MED28: variants seen among roughly 807,000 people sequenced by gnomAD.
MED28 encodes the protein mediator of RNA polymerase II transcription subunit 28.
In MED28, 26 loss-of-function variants were observed where a neutral mutation model predicts 21.3. The ratio of observed to expected loss-of-function variants is 1.22; its 90% confidence interval spans 0.89 to 1.69. The LOEUF (loss-of-function observed/expected upper bound fraction) is 1.69. Among genes scored for constraint, MED28 ranks in the 40% most tolerant of loss-of-function variants. The pLI, the probability that MED28 is intolerant of heterozygous loss-of-function variation, is 0.00. For missense variants in MED28, 257 were observed against 215.4 expected, an observed-to-expected ratio of 1.19 and a Z score of -1.21; for synonymous variants, 110 against 87.6, an observed-to-expected ratio of 1.26 and a Z score of -1.43.
At chr4:17,617,039 A>C (rs1714473826) in intron 1 of MED28, among the ~76,000 whole-genome samples, 1 of 152,218 alleles carries the variant, frequency 6.6e-6, no homozygotes. Context: ...GCTCTGATAG[A>C]AGAAACCTGG....
intron 3 of MED28, 113 bp from the exon 4 acceptor site, chr4:17,623,488 T>G (rs1189470845): frequency 4.0e-6 from 4 of 997,692 alleles, no homozygotes; most frequent in Non-Finnish European, 6.1e-6. Flanking sequence ...GTAATGGGCT[T>G]AATATGGTTT....
intron 1 of MED28, among the ~76,000 whole-genome samples, chr4:17,617,271 C>T (rs1054444306): frequency 2.7e-4 from 41 of 152,186 alleles, no homozygotes; most frequent in African/African-American, 9.7e-4. Context: ...TCCTTGTGTT[C>T]TGTGTGGACC....
chr4:17,633,967 TCACC>T lies in MED28; in HGVS notation c.*10172_*10175del. 5.2e-6 allele frequency: 6 copies of T among 1,156,524 alleles called. No homozygotes were observed. The highest frequency in any genetic ancestry group is 4.7e-5 in the South Asian group (2 of 42,594). The allele number at this position is 1,156,524 out of a possible 1,614,324, so 71.6% of individuals were successfully genotyped here. A position where few individuals can be genotyped will look rare whatever the true frequency, so the allele number is the denominator to read the frequency against. ...GCATTATTGTAAAAGCAAATAATGC[TCACC>T]CAATCAAAATTGTATCGGAGAAGAA... On this transcript the variant is annotated 3_prime_UTR_variant, in exon 4 of 4. Transcript: ENST00000237380.
intron 1 of MED28, among the ~76,000 whole-genome samples, chr4:17,617,392 A>G (rs555970082): frequency 6.6e-6 from 1 of 152,286 alleles, no homozygotes; most frequent in East Asian, 1.9e-4. Context: ...GCTGCTTAGC[A>G]CATGCTCTTT....
Position 17,619,268 on chromosome 4 carries a change from C to T in MED28, c.160-633C>T, listed in dbSNP as rs546032231. Among the ~76,000 whole-genome samples the T allele has an allele frequency of 2.0e-5, 3 of 152,312 alleles. No homozygotes were observed. The South Asian group carries it at 6.2e-4, about 32-fold the overall frequency. On this transcript the variant is annotated intron_variant, in intron 1 of 3. Coordinates refer to ENST00000237380, the MANE Select transcript of MED28 (RefSeq NM_025205.5). ...GACTTGATTATCCATGTGATACCAA[C>T]CTTGTCCTCTTAGGCCATCCAGTCA...
At chr4:17,620,506 T>C (rs1714592211) in intron 2 of MED28, among the ~76,000 whole-genome samples, 1 of 152,168 alleles carries the variant, frequency 6.6e-6, no homozygotes, top group Non-Finnish European at 1.5e-5. Context: ...GCTAATTTTA[T>C]ATTTTTAGTA....
chr4:17,621,632 CAG>C lies in MED28; in HGVS notation c.274_275del (p.Glu92MetfsTer29), dbSNP rs1560157876. On this transcript the variant is annotated frameshift_variant, in exon 3 of 4. Coordinates refer to ENST00000237380, the MANE Select transcript of MED28 (RefSeq NM_025205.5). LOFTEE classifies it high-confidence loss of function. The stretch of plus-strand genomic sequence containing the variant: ...AAGTTTCTGGATATTGCAAGACAGA[CAG>C]AATGTTTTTTCTTACAAAAAAGATT... The C allele has an allele frequency of 1.3e-5, 21 of 1,610,062 alleles. No individual in the cohort carries two copies. Among genetic ancestry groups the C allele is most frequent in the Non-Finnish European group, 1.7e-5 (20 of 1,179,132 alleles).
At chr4:17,615,956 A>G (rs1004551962) in intron 1 of MED28, among the ~76,000 whole-genome samples, 1 of 152,196 alleles carries the variant, frequency 6.6e-6, no homozygotes, top group African/African-American at 2.4e-5. Context: ...ACGGATGTAC[A>G]AAGATTTAGA....
Position 17,625,740 on chromosome 4 carries a change from C to G in MED28, c.*1942C>G, listed in dbSNP as rs543445873. ...GGGAGAAAATCACAAGCCATCTTCTCAAGTTCCCCTAGAAACCTGTGGAAT... is the reference window on the plus strand; with the variant it reads ...GGGAGAAAATCACAAGCCATCTTCTGAAGTTCCCCTAGAAACCTGTGGAAT... On this transcript the variant is annotated 3_prime_UTR_variant, in exon 4 of 4. Transcript: ENST00000237380. The G allele has an allele frequency of 1.5e-4, 67 of 432,840 alleles. No homozygotes were observed. Among genetic ancestry groups the G allele is most frequent in the Middle Eastern group, 3.4e-4 (1 of 2,978 alleles). 26.8% of individuals were successfully genotyped at this position (432,840 alleles called of 1,614,324 possible).
rs6849619 is a variant in MED28 at position 17,632,737 on chromosome 4, C to T, written c.*8939C>T. ...ACTGCTTGTTTACTCTTCAAAAACA[C>T]CCAAATGGGACTGGCCAACATTAGT... is the stretch of plus-strand genomic sequence containing the variant. On this transcript the variant is annotated 3_prime_UTR_variant, in exon 4 of 4. Coordinates refer to ENST00000237380, the MANE Select transcript of MED28 (RefSeq NM_025205.5). 14,123 of 711,404 alleles carry T rather than the reference C, an allele frequency of 0.02. 1,484 individuals are homozygous for T. The African/African-American group carries it at 0.22, about 11-fold the overall frequency. The allele number at this position is 711,404 out of a possible 1,614,324, so 44.1% of individuals were successfully genotyped here.
At position 17,633,842 on chromosome 4, in the gene MED28, T is replaced by C; in HGVS notation, c.*10044T>C. 1 of 1,551,450 alleles carries C rather than the reference T, an allele frequency of 6.4e-7. No individual in the cohort carries two copies. Among genetic ancestry groups the C allele is most frequent in the Non-Finnish European group, 8.7e-7 (1 of 1,146,934 alleles). On this transcript the variant is annotated 3_prime_UTR_variant, in exon 4 of 4. Transcript: ENST00000237380. ...AAAGTTCTTTGCATAGGAGGCGAGG[T>C]TCGGCACGCTGACCACGCGGCTGGG...
At position 17,628,262 on chromosome 4, in the gene MED28, G is replaced by A. The variant is rs1047261084; in HGVS notation, c.*4464G>A. On this transcript the variant is annotated 3_prime_UTR_variant, in exon 4 of 4. Coordinates refer to ENST00000237380, the MANE Select transcript of MED28 (RefSeq NM_025205.5). ...AAAACGAGTGACAGCTGCCGTGTGT[G>A]TGTGTGTGTGTGTGTGTGTGTGTGT... The A allele has an allele frequency of 1.5e-5, 2 of 135,100 alleles. No individual in the cohort carries two copies. The highest frequency in any genetic ancestry group is 6.9e-5 in the African/African-American group (2 of 29,026). The allele number at this position is 135,100 out of a possible 1,614,324, so 8.4% of individuals were successfully genotyped here. A position where few individuals can be genotyped will look rare whatever the true frequency, so the allele number is the denominator to read the frequency against.
At position 17,619,869 on chromosome 4, in the gene MED28, A is replaced by AT. The variant is rs1361364891; in HGVS notation, c.160-25dup. ...GTAAGATTTTTGATGTATAAATGAT[A>AT]TTTTTTTCTTTCCTATGTTTTGATT... On this transcript the variant is annotated intron_variant, in intron 1 of 3. Transcript: ENST00000237380. The AT allele has an allele frequency of 8.1e-6, 13 of 1,599,134 alleles. No individual in the cohort carries two copies. The East Asian group carries it at 8.9e-5, about 11-fold the overall frequency.
At chr4:17,621,751 G>C (rs113177238) in intron 3 of MED28, 52 bp downstream of exon 3, 11 of 1,206,524 alleles carry the variant, frequency 9.1e-6, no homozygotes, top group African/African-American at 6.1e-5. Flanking sequence ...AGTGGTGCCA[G>C]GATTCCTTTT....
rs972657264 is a variant in MED28 at position 17,633,425 on chromosome 4, GGA to G, written c.*9631_*9632del. ...TTAAAGGCAAGGTATATGGAGACCT[GGA>G]GAGGTCAAGTGACCTGTCCAAGGCC... On this transcript the variant is annotated 3_prime_UTR_variant, in exon 4 of 4. Coordinates refer to ENST00000237380, the MANE Select transcript of MED28 (RefSeq NM_025205.5). 13 of 333,824 alleles carry G rather than the reference GGA, an allele frequency of 3.9e-5. No individual in the cohort carries two copies. Among genetic ancestry groups the G allele is most frequent in the African/African-American group, 1.7e-4 (8 of 47,186 alleles). The allele number at this position is 333,824 out of a possible 1,614,324, so 20.7% of individuals were successfully genotyped here.
In MED28 at chr4:17,623,711, CA is replaced by C. The variant is rs1384154894; in HGVS notation, c.455del (p.Lys152SerfsTer24). On this transcript the variant is annotated frameshift_variant, in exon 4 of 4. Transcript: ENST00000237380. LOFTEE classifies it high-confidence loss of function. Reference protein sequence around the residue: ...QVLEDINVQHKKPADIPQGSL... With the variant: ...QVLEDINVQHXKPADIPQGSL... ...TGCTGGAGGACATCAACGTGCAGCA[CA>C]AAAAGCCCGCCGACATCCCTCAGGG... The C allele has an allele frequency of 7.4e-6, 12 of 1,614,096 alleles. No homozygotes were observed. The highest frequency in any genetic ancestry group is 1.0e-5 in the Non-Finnish European group (12 of 1,180,042).
intron 1 of MED28, among the ~76,000 whole-genome samples, chr4:17,617,991 T>A (rs1714501334): frequency 6.7e-6 from 1 of 148,394 alleles, no homozygotes; most frequent in Admixed American, 7.0e-5. Flanking sequence ...GGCCTGTGTA[T>A]CTTTTTTTTT....
chr4:17,622,347 G>T (rs764341451), intron 3 of MED28, among the ~76,000 whole-genome samples: 1 of 152,174 alleles, frequency 6.6e-6, no homozygotes, highest in Non-Finnish European at 1.5e-5. Context: ...GAAGTAACTA[G>T]TCCCAATTAA....
chr4:17,623,522 T>TA, intron 3 of MED28, 79 bp from the exon 4 acceptor site: 1 of 1,368,448 alleles, frequency 7.3e-7, no homozygotes, highest in East Asian at 2.3e-5. Flanking sequence ...TGTTTTGAAT[T>TA]GTTAGCCTCT....
Sources: gnomAD v4.1 joint callset for allele counts (sites outside exome capture counted in the v4.1 genomes callset) on GRCh38, gnomAD v4.1.1 for gene constraint, MANE v1.5 for transcripts, NCBI Gene and HGNC (gene_info 2026-07-23, HGNC 2026-07-21) for gene names.